SCFD2: variants seen among roughly 807,000 people sequenced by gnomAD.
SCFD2 encodes sec1 family domain-containing protein 2.
In SCFD2, 54 loss-of-function variants were observed where a neutral mutation model predicts 58.9. The ratio of observed to expected loss-of-function variants is 0.92; its 90% confidence interval spans 0.74 to 1.15. SCFD2 has a LOEUF of 1.15. SCFD2 is among the 50% of genes most tolerant of loss of function. SCFD2 has a pLI of 0.00. For missense variants in SCFD2, 805 were observed against 836.6 expected (o/e 0.96, Z 0.47); for synonymous variants, 321 against 335.9 (o/e 0.96, Z 0.49).
At chr4:53,172,945 C>T (rs957730636) in intron 4 of SCFD2, among the ~76,000 whole-genome samples, 2 of 152,124 alleles carry the variant, frequency 1.3e-5, no homozygotes, top group Non-Finnish European at 2.9e-5. Context: ...ACTGAGGTCT[C>T]CCACTATTAC....
chr4:53,189,235 T>C (rs918586118), intron 4 of SCFD2, among the ~76,000 whole-genome samples: 1 of 152,066 alleles, frequency 6.6e-6, no homozygotes. Context: ...AGTAAAAAAG[T>C]GAGTAGGATT....
intron 4 of SCFD2, among the ~76,000 whole-genome samples, chr4:53,230,687 G>T (rs1453533374): frequency 6.6e-6 from 1 of 151,326 alleles, no homozygotes; most frequent in Non-Finnish European, 1.5e-5. Flanking sequence ...CGAGTTAATG[G>T]GTACAGCACA....
intron 4 of SCFD2, among the ~76,000 whole-genome samples, chr4:53,218,303 T>C (rs7698400): frequency 0.69 from 104,751 of 152,046 alleles, 36,319 homozygotes; most frequent in Middle Eastern, 0.78. Flanking sequence ...ATTTGGTCTT[T>C]TCACATGTCC....
At chr4:53,095,288 TC>T (rs1437735253) in intron 5 of SCFD2, among the ~76,000 whole-genome samples, 4 of 152,112 alleles carry the variant, frequency 2.6e-5, no homozygotes, top group Admixed American at 2.6e-4. Flanking sequence ...ACACATAGCC[TC>T]CCCTATTCCA....
chr4:52,898,116 T>C (rs1281244729), intron 7 of SCFD2, among the ~76,000 whole-genome samples: 2 of 152,208 alleles, frequency 1.3e-5, no homozygotes, highest in Admixed American at 6.5e-5. Context: ...CCTGGATTCA[T>C]TGATTTTTTG....
At chr4:53,137,317 G>A (rs1725971938) in intron 5 of SCFD2, among the ~76,000 whole-genome samples, 1 of 152,184 alleles carries the variant, frequency 6.6e-6, no homozygotes, top group African/African-American at 2.4e-5. Context: ...CCCAAAGCAT[G>A]GACACTTCTC....
intron 5 of SCFD2, among the ~76,000 whole-genome samples, chr4:53,048,565 G>GTT (rs746618643): frequency 3.5e-4 from 53 of 152,314 alleles, no homozygotes; most frequent in Non-Finnish European, 1.0e-4. Flanking sequence ...GGGAGACCCT[G>GTT]TCTCTACAGA....
At chr4:53,057,726 T>C (rs768205451) in intron 5 of SCFD2, among the ~76,000 whole-genome samples, 3 of 152,022 alleles carry the variant, frequency 2.0e-5, no homozygotes, top group Non-Finnish European at 2.9e-5. Context: ...TGCTTGCTTA[T>C]AAAAGAAAGA....
At chr4:52,939,872 C>G (rs1056551760) in intron 5 of SCFD2, among the ~76,000 whole-genome samples, 2 of 152,238 alleles carry the variant, frequency 1.3e-5, no homozygotes, top group African/African-American at 2.4e-5. Flanking sequence ...TATGTTTCAC[C>G]TTGGCACACA....
intron 8 of SCFD2, among the ~76,000 whole-genome samples, chr4:52,878,398 T>C (rs1308693064): frequency 6.6e-6 from 1 of 152,230 alleles, no homozygotes. Context: ...TTGTCTCTAA[T>C]TCCTATTTTG....
intron 7 of SCFD2, among the ~76,000 whole-genome samples, chr4:52,887,144 T>A (rs1718758579): frequency 6.6e-6 from 1 of 152,184 alleles, no homozygotes; most frequent in African/African-American, 2.4e-5. Flanking sequence ...TTAGTGGAAT[T>A]AATAAATAGT....
At chr4:53,325,597 T>C (rs1301262734) in intron 2 of SCFD2, among the ~76,000 whole-genome samples, 6 of 152,190 alleles carry the variant, frequency 3.9e-5, no homozygotes, top group Admixed American at 6.5e-5. Flanking sequence ...TTTTGTGAGA[T>C]TGATTTACTG....
intron 5 of SCFD2, among the ~76,000 whole-genome samples, chr4:52,969,959 A>G (rs1000252432): frequency 9.2e-5 from 14 of 152,216 alleles, no homozygotes; most frequent in African/African-American, 3.4e-4. Flanking sequence ...TCTTCAATAC[A>G]GTTGCATTTT....
At chr4:53,215,261 G>A (rs543802934) in intron 4 of SCFD2, among the ~76,000 whole-genome samples, 7 of 152,126 alleles carry the variant, frequency 4.6e-5, no homozygotes, top group Non-Finnish European at 8.8e-5. Flanking sequence ...CCATTTTCAC[G>A]ATATTGATTC....
chr4:53,068,216 C>G (rs1049050333), intron 5 of SCFD2, among the ~76,000 whole-genome samples: 1 of 152,074 alleles, frequency 6.6e-6, no homozygotes, highest in African/African-American at 2.4e-5. Flanking sequence ...GAAGAAAGCA[C>G]AGAGTTCCTC....
chr4:53,254,546 C>G (rs1730524773), intron 4 of SCFD2, among the ~76,000 whole-genome samples: 1 of 150,722 alleles, frequency 6.6e-6, no homozygotes, highest in Non-Finnish European at 1.5e-5. Context: ...ACCATGTTGG[C>G]CAGGCTGGTC....
intron 4 of SCFD2, among the ~76,000 whole-genome samples, chr4:53,165,540 A>C (rs766737342): frequency 2.6e-5 from 4 of 151,938 alleles, no homozygotes; most frequent in Non-Finnish European, 4.4e-5. Flanking sequence ...CCTTTTATCC[A>C]ATACCACTCC....
intron 2 of SCFD2, among the ~76,000 whole-genome samples, chr4:53,323,099 C>A (rs1407007410): frequency 6.6e-6 from 1 of 152,182 alleles, no homozygotes; most frequent in African/African-American, 2.4e-5. Context: ...TGTCTATATG[C>A]ACATTTGTAT....
chr4:53,041,046 A>G (rs1274790785), intron 5 of SCFD2, among the ~76,000 whole-genome samples: 1 of 152,238 alleles, frequency 6.6e-6, no homozygotes, highest in East Asian at 1.9e-4. Flanking sequence ...TATGCTATGC[A>G]TATTTTCATA....
Sources: gnomAD v4.1 joint callset for allele counts (sites outside exome capture counted in the v4.1 genomes callset) on GRCh38, gnomAD v4.1.1 for gene constraint, MANE v1.5 for transcripts, NCBI Gene and HGNC (gene_info 2026-07-23, HGNC 2026-07-21) for gene names.